RINT1: variants seen among roughly 807,000 people sequenced by gnomAD.
RINT1 encodes the protein RAD50-interacting protein 1.
A neutral mutation model predicts 97.7 loss-of-function variants in RINT1; 75 were observed. The observed-to-expected ratio is 0.77, with a 90% CI of 0.64 to 0.93. RINT1 has a LOEUF of 0.93. Ranked by LOEUF, RINT1 falls within the 40% of genes least tolerant of loss-of-function variation. The probability of loss-of-function intolerance (pLI) is 0.00; values close to 1 mark genes in which losing one functional copy is unlikely to be tolerated. For missense variants in RINT1, 892 were observed against 925.2 expected (o/e 0.96, Z 0.47); for synonymous variants, 303 against 326.3 (o/e 0.93, Z 0.77).
At chr7:105,546,159 A>G (rs1220544285) in intron 4 of RINT1, among the ~76,000 whole-genome samples, 1 of 152,220 alleles carries the variant, frequency 6.6e-6, no homozygotes, top group East Asian at 1.9e-4. Context: ...GTGGGAAATC[A>G]AGTTCAGCTG....
intron 7 of RINT1, among the ~76,000 whole-genome samples, chr7:105,549,600 C>T (rs1034615225): frequency 6.0e-5 from 9 of 150,420 alleles, no homozygotes; most frequent in Admixed American, 2.7e-4. Flanking sequence ...CCACCCACCT[C>T]GGCCTCCCAA....
intron 11 of RINT1, among the ~76,000 whole-genome samples, chr7:105,561,569 G>A (rs1293142593): frequency 6.6e-6 from 1 of 151,856 alleles, no homozygotes; most frequent in Non-Finnish European, 1.5e-5. Flanking sequence ...TTTTTTTGTT[G>A]TCATTTTTTG....
intron 3 of RINT1, among the ~76,000 whole-genome samples, chr7:105,539,459 C>T (rs1721501): frequency 0.048 from 7,137 of 149,088 alleles, 450 homozygotes; most frequent in African/African-American, 0.15. Context: ...CTCCTGGGTT[C>T]GAGTGATTCT....
chr7:105,535,538 T>C, intron 2 of RINT1: 2 of 451,570 alleles, frequency 4.4e-6, no homozygotes, highest in African/African-American at 2.1e-5. Context: ...AAACCTTTTT[T>C]ACTTTTTTGT....
Position 105,565,616 on chromosome 7 carries a change from C to T in RINT1, c.2154C>T (p.His718=). Residue 718 remains histidine, a synonymous_variant, in exon 14 of 15, where the codon CAC becomes CAT. Coordinates refer to ENST00000257700, the MANE Select transcript of RINT1 (RefSeq NM_021930.6). The part of the protein sequence containing the change: ...MTRNLFPLFS[H]YCKRPENYFK... Reference sequence around the variant, plus strand: ...GGAATCTTTTCCCTTTGTTTTCTCACTATTGCAAGAGACCAGAAAATTATT... The same window carrying T: ...GGAATCTTTTCCCTTTGTTTTCTCATTATTGCAAGAGACCAGAAAATTATT... 1 of 1,612,422 alleles carries T rather than the reference C, an allele frequency of 6.2e-7. No homozygotes were observed. The highest frequency in any genetic ancestry group is 8.5e-7 in the Non-Finnish European group (1 of 1,178,740).
Position 105,548,621 on chromosome 7 carries a change from A to G in RINT1, c.907A>G (p.Ile303Val), listed in dbSNP as rs1381026923. Reference sequence around the variant, plus strand: ...CTCTCTTCCTGCCTCCCCTTCTGTCATCCTGCCCATCCAGGTTATGCTGAC... The same window carrying G: ...CTCTCTTCCTGCCTCCCCTTCTGTCGTCCTGCCCATCCAGGTTATGCTGAC... ...KYSLPASPSV[I>V]LPIQVMLTPL... The change falls in exon 7 of 15, where the codon ATC (isoleucine) becomes GTC (valine). Residue 303 changes from isoleucine to valine, a missense_variant. By Grantham distance (29) the Ile-to-Val change is conservative (BLOSUM62 3). Transcript: ENST00000257700. The G allele has an allele frequency of 1.2e-6, 2 of 1,614,116 alleles. No homozygotes were observed. The highest frequency in any genetic ancestry group is 4.5e-5 in the East Asian group (2 of 44,874).
At chr7:105,549,285 C>T (rs1790822136) in intron 7 of RINT1, among the ~76,000 whole-genome samples, 1 of 151,986 alleles carries the variant, frequency 6.6e-6, no homozygotes, top group South Asian at 2.1e-4. Context: ...CTGCGCCTGG[C>T]ATGTACTTGG....
chr7:105,536,454 T>A, intron 2 of RINT1, 111 bp from the exon 3 acceptor site: 1 of 766,742 alleles, frequency 1.3e-6, no homozygotes, highest in Non-Finnish European at 2.0e-6. Flanking sequence ...CCACCGTGCC[T>A]GGCAAAATTA....
At chr7:105,563,151 G>A (rs1791512668) in intron 11 of RINT1, among the ~76,000 whole-genome samples, 2 of 152,178 alleles carry the variant, frequency 1.3e-5, no homozygotes. Flanking sequence ...AAAGAAGACA[G>A]TCACAACCAA....
chr7:105,547,480 T>G (rs867104016), intron 6 of RINT1, 147 bp downstream of exon 6: 2 of 753,264 alleles, frequency 2.7e-6, no homozygotes, highest in African/African-American at 1.8e-5. Flanking sequence ...CACTGAGTGG[T>G]GGACTGTACT....
intron 2 of RINT1, among the ~76,000 whole-genome samples, chr7:105,535,229 C>CT (rs57647904): frequency 0.043 from 5,622 of 129,366 alleles, 379 homozygotes; most frequent in African/African-American, 0.13. Context: ...GCTTAAAAAC[C>CT]TTTTTTTTTT....
chr7:105,553,384 C>A (rs1214423652), intron 10 of RINT1, among the ~76,000 whole-genome samples: 1 of 151,608 alleles, frequency 6.6e-6, no homozygotes, highest in Non-Finnish European at 1.5e-5. Context: ...TGCCACCATG[C>A]CTGGTTAATT....
At chr7:105,533,605 G>A (rs1480940293) in intron 2 of RINT1, among the ~76,000 whole-genome samples, 3 of 152,102 alleles carry the variant, frequency 2.0e-5, no homozygotes, top group Non-Finnish European at 4.4e-5. Flanking sequence ...AAGAAAAACG[G>A]TGCCCACATT....
intron 2 of RINT1, among the ~76,000 whole-genome samples, chr7:105,534,678 G>A (rs970715688): frequency 2.0e-5 from 3 of 151,864 alleles, no homozygotes; most frequent in African/African-American, 7.3e-5. Flanking sequence ...GAGGCATAGT[G>A]TTATGTTAAT....
chr7:105,562,353 C>T (rs1218692762), intron 11 of RINT1, among the ~76,000 whole-genome samples: 2 of 152,180 alleles, frequency 1.3e-5, no homozygotes, highest in Non-Finnish European at 2.9e-5. Context: ...TGGGCTCCAG[C>T]AGTCTTCCCA....
Position 105,543,914 on chromosome 7 carries a change from C to T in RINT1, c.515+1265C>T, listed in dbSNP as rs144307410. Among the ~76,000 whole-genome samples, 1,433 of 151,496 alleles carry T rather than the reference C, an allele frequency of 9.5e-3. 16 individuals are homozygous for T. The highest frequency in any genetic ancestry group is 0.033 in the African/African-American group (1,378 of 41,298). On this transcript the variant is annotated intron_variant, in intron 4 of 14. Transcript: ENST00000257700. ...GACCAGCCTGACCAACATGGTGAAA[C>T]CCCGTCTCTACTAAAAATACAAAAA...
chr7:105,567,402 T>C lies in RINT1; in HGVS notation c.*91T>C. 2 of 895,718 alleles carry C rather than the reference T, an allele frequency of 2.2e-6. No individual in the cohort carries two copies. The highest frequency in any genetic ancestry group is 2.3e-5 in the Admixed American group (1 of 43,396). 55.5% of individuals were successfully genotyped at this position (895,718 alleles called of 1,614,324 possible). A position where few individuals can be genotyped will look rare whatever the true frequency, so the allele number is the denominator to read the frequency against. On this transcript the variant is annotated 3_prime_UTR_variant, in exon 15 of 15. Transcript: ENST00000257700. Reference sequence around the variant, plus strand: ...GTTATATGATGAAATTCTGAATTAATGAAACTGGAAAACTTTATAGAATTA... The same window carrying C: ...GTTATATGATGAAATTCTGAATTAACGAAACTGGAAAACTTTATAGAATTA...
intron 2 of RINT1, among the ~76,000 whole-genome samples, chr7:105,536,352 T>A (rs1373779767): frequency 6.6e-6 from 1 of 152,020 alleles, no homozygotes; most frequent in Non-Finnish European, 1.5e-5. Context: ...AGAGACGGGA[T>A]TTCGCCGTGT....
At chr7:105,545,839 C>G (rs1200911516) in intron 4 of RINT1, among the ~76,000 whole-genome samples, 1 of 147,164 alleles carries the variant, frequency 6.8e-6, no homozygotes, top group Non-Finnish European at 1.5e-5. Flanking sequence ...GAGTCTCACT[C>G]TGTTGCCAGG....
Sources: gnomAD v4.1 joint callset for allele counts (sites outside exome capture counted in the v4.1 genomes callset) on GRCh38, gnomAD v4.1.1 for gene constraint, MANE v1.5 for transcripts, NCBI Gene and HGNC (gene_info 2026-07-23, HGNC 2026-07-21) for gene names.